KDM4C: variants seen among roughly 807,000 people sequenced by gnomAD.
KDM4C encodes the protein lysine-specific demethylase 4C.
In KDM4C, 81 loss-of-function variants were observed where a neutral mutation model predicts 129.3. That is an observed-to-expected ratio of 0.63 (90% confidence interval 0.52 to 0.75). The LOEUF (loss-of-function observed/expected upper bound fraction) is 0.75. Ranked by LOEUF, KDM4C falls within the 30% of genes least tolerant of loss-of-function variation. KDM4C has a pLI of 0.00. For synonymous variants in KDM4C, 573 were observed against 456.1 expected (o/e 1.26, Z -3.26); for missense variants, 1,457 against 1,304.0 (o/e 1.12, Z -1.81).
chr9:6,737,664 C>CA (rs34608889), intron 1 of KDM4C, among the ~76,000 whole-genome samples: 13,012 of 47,418 alleles, frequency 0.27, 2,210 homozygotes, highest in Non-Finnish European at 0.32. Context: ...GACTTCATCT[C>CA]AAAAAAAAAA....
At chr9:6,946,139 G>C (rs183114261) in intron 8 of KDM4C, among the ~76,000 whole-genome samples, 52 of 152,222 alleles carry the variant, frequency 3.4e-4, no homozygotes, top group Admixed American at 5.9e-4. Context: ...GGATCATATG[G>C]ATTGGAGATG....
At chr9:7,157,295 G>A (rs1397427265) in intron 19 of KDM4C, among the ~76,000 whole-genome samples, 1 of 152,168 alleles carries the variant, frequency 6.6e-6, no homozygotes, top group Admixed American at 6.5e-5. Context: ...TATGTCATGT[G>A]CAGACAGGGA....
intron 15 of KDM4C, among the ~76,000 whole-genome samples, chr9:7,039,985 T>TTAA (rs1184962188): frequency 6.6e-6 from 1 of 152,122 alleles, no homozygotes; most frequent in African/African-American, 2.4e-5. Flanking sequence ...GTTTCTTGTG[T>TTAA]TTTATTGAGT....
At chr9:6,960,317 T>C (rs894048861) in intron 8 of KDM4C, among the ~76,000 whole-genome samples, 4 of 150,762 alleles carry the variant, frequency 2.7e-5, no homozygotes, top group African/African-American at 9.8e-5. Flanking sequence ...AGGGTCTCTG[T>C]CACCCAGGCT....
At chr9:6,782,109 C>T (rs1445401632) in intron 1 of KDM4C, among the ~76,000 whole-genome samples, 2 of 152,178 alleles carry the variant, frequency 1.3e-5, no homozygotes, top group African/African-American at 4.8e-5. Context: ...CAGGTGTGAG[C>T]CACCATGCCT....
At chr9:6,824,674 T>A (rs773355559) in intron 4 of KDM4C, among the ~76,000 whole-genome samples, 1 of 150,762 alleles carries the variant, frequency 6.6e-6, no homozygotes, top group East Asian at 1.9e-4. Flanking sequence ...ATTTAAAAAA[T>A]ATTTAATTCA....
rs1844259655 is a variant in KDM4C at position 7,165,271 on chromosome 9, G to C, written c.2815G>C (p.Glu939Gln). 1 of 1,614,060 alleles carries C rather than the reference G, an allele frequency of 6.2e-7. No homozygotes were observed. Among genetic ancestry groups the C allele is most frequent in the African/African-American group, 1.3e-5 (1 of 74,932 alleles). The change falls in exon 20 of 22, where the codon GAG becomes CAG. Residue 939 changes from glutamate (E) to glutamine (Q), a missense_variant. Physicochemically the swap from Glu to Gln is conservative, Grantham distance 29. Coordinates refer to ENST00000381309, the MANE Select transcript of KDM4C (RefSeq NM_015061.6). Reference protein sequence around the residue: ...RDCLKLGPPAEGEVVQVKWPD... With the variant: ...RDCLKLGPPAQGEVVQVKWPD... Reference sequence around the variant, plus strand: ...CTGTCTGAAGCTGGGCCCACCTGCTGAGGGAGAAGTCGTCCAAGTCAAGTG... The same window carrying C: ...CTGTCTGAAGCTGGGCCCACCTGCTCAGGGAGAAGTCGTCCAAGTCAAGTG...
chr9:7,070,425 A>C (rs1286738497), intron 17 of KDM4C, among the ~76,000 whole-genome samples: 1 of 152,182 alleles, frequency 6.6e-6, no homozygotes. Flanking sequence ...CAACTCTTGC[A>C]AAGGAAAACT....
At chr9:6,786,349 A>T (rs1393967752) in intron 1 of KDM4C, among the ~76,000 whole-genome samples, 1 of 152,208 alleles carries the variant, frequency 6.6e-6, no homozygotes, top group Non-Finnish European at 1.5e-5. Context: ...GCTGGACTTT[A>T]TTCAATGGAA....
intron 12 of KDM4C, among the ~76,000 whole-genome samples, chr9:7,010,051 C>G (rs1340713288): frequency 6.6e-6 from 1 of 152,170 alleles, no homozygotes; most frequent in Non-Finnish European, 1.5e-5. Flanking sequence ...ACAACATATG[C>G]ACACAAACAT....
At chr9:7,034,963 T>G (rs1008123310) in intron 15 of KDM4C, among the ~76,000 whole-genome samples, 1 of 152,214 alleles carries the variant, frequency 6.6e-6, no homozygotes, top group Non-Finnish European at 1.5e-5. Flanking sequence ...TCCATTTGTA[T>G]GTATTTTGTG....
Position 6,781,985 on chromosome 9 carries a change from C to G in KDM4C, c.-17-10987C>G, listed in dbSNP as rs367570477. 9.9e-5 allele frequency among the ~76,000 whole-genome samples: 15 copies of G among 151,880 alleles called. No homozygotes were observed. The South Asian group carries it at 3.1e-3, about 32-fold the overall frequency. On this transcript the variant is annotated intron_variant, in intron 1 of 21. Transcript: ENST00000381309. ...GATTACGGGTGCCTGCCACCATGCC[C>G]GGCTAATTTTTGTGCTTTTAGTAGA...
At chr9:6,897,673 G>A (rs138873853) in intron 8 of KDM4C, among the ~76,000 whole-genome samples, 4 of 152,236 alleles carry the variant, frequency 2.6e-5, no homozygotes, top group Admixed American at 2.6e-4. Context: ...TGTGTACAAA[G>A]AAGAAAAACA....
At position 6,774,885 on chromosome 9, in the gene KDM4C, CCTTG is replaced by C. The variant is rs1822674800; in HGVS notation, c.-18+16686_-18+16689del. On this transcript the variant is annotated intron_variant, in intron 1 of 21. Transcript: ENST00000381309. ...GTCCTGATTTTTGTGTTCCATATGC[CCTTG>C]CTTTAAAAAAATGGATTTGTCTTTT... Among the ~76,000 whole-genome samples the C allele has an allele frequency of 2.0e-5, 3 of 152,080 alleles. No homozygotes were observed. The South Asian group carries it at 6.2e-4, about 32-fold the overall frequency.
chr9:7,060,263 G>A (rs1314909087), intron 17 of KDM4C, among the ~76,000 whole-genome samples: 3 of 151,272 alleles, frequency 2.0e-5, no homozygotes. Flanking sequence ...GAGAACAGAG[G>A]AGAGGGACAG....
At chr9:6,835,521 C>T (rs1445757269) in intron 4 of KDM4C, 47 of 1,511,304 alleles carry the variant, frequency 3.1e-5, no homozygotes, top group Non-Finnish European at 4.1e-5. Flanking sequence ...AGATGTGGAT[C>T]AGCAAGCAGG....
intron 19 of KDM4C, among the ~76,000 whole-genome samples, chr9:7,137,714 G>A (rs1249593369): frequency 2.0e-5 from 3 of 152,164 alleles, no homozygotes; most frequent in Non-Finnish European, 4.4e-5. Context: ...TTCCTGAGGC[G>A]AGTTGTCAAC....
intron 1 of KDM4C, among the ~76,000 whole-genome samples, chr9:6,730,732 C>G (rs529848999): frequency 6.0e-4 from 91 of 152,184 alleles, no homozygotes; most frequent in Non-Finnish European, 1.1e-3. Flanking sequence ...GCCTCATGGT[C>G]AGAACAAATT....
intron 1 of KDM4C, among the ~76,000 whole-genome samples, chr9:6,731,227 G>C (rs1227696649): frequency 6.6e-6 from 1 of 150,500 alleles, no homozygotes; most frequent in South Asian, 2.1e-4. Context: ...GTTTACAGGA[G>C]AAAAACAAAA....
Sources: gnomAD v4.1 joint callset for allele counts (sites outside exome capture counted in the v4.1 genomes callset) on GRCh38, gnomAD v4.1.1 for gene constraint, MANE v1.5 for transcripts, NCBI Gene and HGNC (gene_info 2026-07-23, HGNC 2026-07-21) for gene names.